The following LAPTM4B variants were observed in gnomAD, a reference collection of about 807,000 sequenced individuals.
LAPTM4B encodes lysosomal-associated transmembrane protein 4B.
A neutral mutation model predicts 28.5 loss-of-function variants in LAPTM4B; 26 were observed. That is an observed-to-expected ratio of 0.91 (90% confidence interval 0.67 to 1.27). The LOEUF is 1.27. LAPTM4B is among the 50% of genes most tolerant of loss of function. LAPTM4B has a pLI of 0.00. For missense variants in LAPTM4B, 288 were observed against 285.8 expected, an observed-to-expected ratio of 1.01 and a Z score of -0.06; for synonymous variants, 109 against 106.4, an observed-to-expected ratio of 1.02 and a Z score of -0.15.
rs538873746 is a variant in LAPTM4B at position 97,807,811 on chromosome 8, G to A, written c.211+2347G>A. ...ACAGAGAACCAAGAGATGCTTTCTA[G>A]CCATCATCTTCCACCACTGTTGTTT... is the stretch of plus-strand genomic sequence containing the variant. On this transcript the variant is annotated intron_variant, in intron 2 of 6. Coordinates refer to ENST00000521545, the MANE Select transcript of LAPTM4B (RefSeq NM_018407.6). 6.0e-5 allele frequency among the ~76,000 whole-genome samples: 9 copies of A among 150,390 alleles called. 1 individual carries two copies. In the South Asian group the frequency reaches 1.9e-3, roughly 32 times the overall value.
At chr8:97,816,253 A>G in intron 4 of LAPTM4B, 73 bp downstream of exon 4, 4 of 1,329,782 alleles carry the variant, frequency 3.0e-6, no homozygotes, top group East Asian at 2.5e-5. Context: ...AGGGATGTGT[A>G]GAGATACACA....
At chr8:97,781,162 G>GTAGA (rs1446946774) in intron 1 of LAPTM4B, among the ~76,000 whole-genome samples, 1 of 151,026 alleles carries the variant, frequency 6.6e-6, no homozygotes, top group Non-Finnish European at 1.5e-5. Flanking sequence ...TGTATTTTTA[G>GTAGA]TAGAGATGGG....
chr8:97,849,134 T>A (rs1321715137), intron 6 of LAPTM4B, among the ~76,000 whole-genome samples: 1 of 152,208 alleles, frequency 6.6e-6, no homozygotes, highest in East Asian at 1.9e-4. Context: ...GTGCCCTGTG[T>A]CCTGCTTTCC....
At chr8:97,815,970 T>C in intron 3 of LAPTM4B, 88 bp from the exon 4 acceptor site, 1 of 1,290,638 alleles carries the variant, frequency 7.7e-7, no homozygotes, top group African/African-American at 1.6e-5. Flanking sequence ...TTCCATTTCC[T>C]TTCAGATTAA....
chr8:97,801,995 A>C (rs1816690951), intron 1 of LAPTM4B, among the ~76,000 whole-genome samples: 1 of 152,178 alleles, frequency 6.6e-6, no homozygotes, highest in Non-Finnish European at 1.5e-5. Flanking sequence ...AGTTTTCTTC[A>C]GATAGTTTTG....
chr8:97,804,498 G>T (rs1265802068), intron 1 of LAPTM4B, among the ~76,000 whole-genome samples: 3 of 152,158 alleles, frequency 2.0e-5, no homozygotes, highest in Non-Finnish European at 1.5e-5. Context: ...CTACAGCTTG[G>T]TAGTTGTTTG....
chr8:97,778,818 C>G (rs923542534), intron 1 of LAPTM4B, among the ~76,000 whole-genome samples: 2 of 151,934 alleles, frequency 1.3e-5, no homozygotes, highest in South Asian at 4.2e-4. Context: ...GAGCACTAGC[C>G]GTCTCTGGGT....
chr8:97,782,390 A>C (rs1816335745), intron 1 of LAPTM4B, among the ~76,000 whole-genome samples: 1 of 139,114 alleles, frequency 7.2e-6, no homozygotes. Flanking sequence ...TTGCCATTTC[A>C]GCCTCCCAAG....
At chr8:97,801,607 G>T (rs1452710266) in intron 1 of LAPTM4B, among the ~76,000 whole-genome samples, 1 of 152,128 alleles carries the variant, frequency 6.6e-6, no homozygotes, top group Non-Finnish European at 1.5e-5. Context: ...TGTAATCCCA[G>T]CACTTTGGGA....
chr8:97,805,204 C>A, intron 1 of LAPTM4B, 149 bp from the exon 2 acceptor site: 2 of 580,656 alleles, frequency 3.4e-6, no homozygotes, highest in African/African-American at 1.9e-5. Context: ...CTGCTCCCTC[C>A]ATGGGTGGGG....
In LAPTM4B at chr8:97,775,960, C is replaced by G. The variant is rs1398783616; in HGVS notation, c.-50C>G. 2.0e-6 allele frequency: 3 copies of G among 1,522,072 alleles called. No individual in the cohort carries two copies. Among genetic ancestry groups the G allele is most frequent in the African/African-American group, 2.9e-5 (2 of 69,912 alleles). The allele number at this position is 1,522,072 out of a possible 1,614,324, so 94.3% of individuals were successfully genotyped here. ...CGCGGCGGGCTCCAGGCGAGGCGGT[C>G]GACGCTCCTGAAAACTTGCGCGCGC... On this transcript the variant is annotated 5_prime_UTR_variant, in exon 1 of 7. Transcript: ENST00000521545.
Position 97,805,483 on chromosome 8 carries a change from G to C in LAPTM4B, c.211+19G>C. On this transcript the variant is annotated intron_variant, in intron 2 of 6. Transcript: ENST00000521545. The stretch of plus-strand genomic sequence containing the variant: ...GATGCCAGTAAGTAGTAGATATTTG[G>C]GTATTTTCAAGGGCAGGGAATCTGA... 7.2e-7 allele frequency: 1 copy of C among 1,382,428 alleles called. No individual in the cohort carries two copies. The highest frequency in any genetic ancestry group is 1.0e-6 in the Non-Finnish European group (1 of 974,510). 85.6% of individuals were successfully genotyped at this position (1,382,428 alleles called of 1,614,324 possible). A position where few individuals can be genotyped will look rare whatever the true frequency, so the allele number is the denominator to read the frequency against.
At chr8:97,822,771 A>G (rs1817027273) in intron 5 of LAPTM4B, among the ~76,000 whole-genome samples, 1 of 152,168 alleles carries the variant, frequency 6.6e-6, no homozygotes, top group Admixed American at 6.5e-5. Context: ...GATACAGTGC[A>G]GAATAATCAC....
chr8:97,845,325 GT>G (rs75030410), intron 6 of LAPTM4B, among the ~76,000 whole-genome samples: 24,755 of 146,626 alleles, frequency 0.17, 2,139 homozygotes, highest in East Asian at 0.24. Flanking sequence ...CACTTGCTTT[GT>G]TTTTTTTTGA....
At chr8:97,848,129 G>A (rs1490357145) in intron 6 of LAPTM4B, among the ~76,000 whole-genome samples, 2 of 152,106 alleles carry the variant, frequency 1.3e-5, no homozygotes, top group African/African-American at 4.8e-5. Flanking sequence ...GGGTGTAGTG[G>A]CGCATGTCTG....
chr8:97,782,003 A>G lies in LAPTM4B; in HGVS notation c.99+5895A>G, dbSNP rs185307821. Among the ~76,000 whole-genome samples the G allele has an allele frequency of 7.2e-4, 107 of 148,286 alleles. 1 individual carries two copies. The East Asian group carries it at 0.02, about 28-fold the overall frequency. On this transcript the variant is annotated intron_variant, in intron 1 of 6. Transcript: ENST00000521545. ...GGACTTTTTTTTTTTTTTTTGAGAC[A>G]GAGTTTAGCTCTTGTTGCCCAGGCT...
chr8:97,779,796 A>G (rs1298508393), intron 1 of LAPTM4B, among the ~76,000 whole-genome samples: 1 of 151,418 alleles, frequency 6.6e-6, no homozygotes, highest in East Asian at 1.9e-4. Context: ...GCTCACGCCT[A>G]TAATCCCAGC....
chr8:97,779,101 C>T (rs1039632338), intron 1 of LAPTM4B, among the ~76,000 whole-genome samples: 1 of 152,090 alleles, frequency 6.6e-6, no homozygotes, highest in Admixed American at 6.6e-5. Context: ...CACCTGTAGT[C>T]CCAGCTTGAG....
At chr8:97,796,854 C>T (rs1816592860) in intron 1 of LAPTM4B, among the ~76,000 whole-genome samples, 2 of 152,132 alleles carry the variant, frequency 1.3e-5, no homozygotes, top group Non-Finnish European at 2.9e-5. Context: ...GCAGGAGATT[C>T]GCTTGAACCC....
Sources: allele counts gnomAD v4.1 joint callset (sites outside exome capture counted in the v4.1 genomes callset), GRCh38; gene constraint gnomAD v4.1.1; transcripts MANE v1.5; gene names NCBI Gene and HGNC (gene_info 2026-07-23, HGNC 2026-07-21).